LANCL3: variants seen among roughly 807,000 people sequenced by gnomAD.
LANCL3 encodes LanC like family member 3, also known as lanC-like protein 3.
A neutral mutation model predicts 26.5 loss-of-function variants in LANCL3; 19 were observed. That is an observed-to-expected ratio of 0.72 (90% CI 0.50 to 1.05). The LOEUF (loss-of-function observed/expected upper bound fraction) is 1.05. Among genes scored for constraint, LANCL3 ranks in the 50% least tolerant of loss-of-function variants. The pLI, the probability that LANCL3 is intolerant of heterozygous loss-of-function variation, is 0.00. For missense variants in LANCL3, 318 were observed against 362.7 expected (o/e 0.88, Z 1.00); for synonymous variants, 160 against 166.6 (o/e 0.96, Z 0.30).
At chrX:37,657,207 G>C (rs1384274241) in intron 2 of LANCL3, among the ~76,000 whole-genome samples, 1 of 112,776 alleles carries the variant, frequency 8.9e-6, no homozygotes, top group Non-Finnish European at 1.9e-5. Context: ...TTTGGGCAGG[G>C]CATACTCCTG....
At chrX:37,589,093 C>T (rs1556418557) in intron 1 of LANCL3, among the ~76,000 whole-genome samples, 2 of 112,049 alleles carry the variant, frequency 1.8e-5, no homozygotes, top group African/African-American at 6.5e-5. Context: ...AGTGTCTAAC[C>T]AGAAACAATA....
intron 1 of LANCL3, among the ~76,000 whole-genome samples, chrX:37,616,308 T>C (rs1925005942): frequency 8.9e-6 from 1 of 112,347 alleles, no homozygotes; most frequent in South Asian, 3.7e-4. Flanking sequence ...GAGGCACTTC[T>C]TGGCTCAGAG....
chrX:37,634,536 C>T (rs190618101), intron 1 of LANCL3, among the ~76,000 whole-genome samples: 109 of 112,735 alleles, frequency 9.7e-4, no homozygotes, highest in Non-Finnish European at 1.3e-3. Context: ...TTCTGCGTCG[C>T]TCGCGCTGGG....
intron 1 of LANCL3, among the ~76,000 whole-genome samples, chrX:37,647,065 A>G (rs1184080942): frequency 1.8e-5 from 2 of 112,184 alleles, no homozygotes; most frequent in African/African-American, 6.5e-5. Context: ...CTGTAATCCC[A>G]GCACTTTGGG....
intron 1 of LANCL3, among the ~76,000 whole-genome samples, chrX:37,595,580 C>G (rs185056645): frequency 2.0e-4 from 22 of 112,197 alleles, no homozygotes; most frequent in Admixed American, 1.9e-4. Flanking sequence ...TGTGACAGAT[C>G]CAAATGATCC....
At chrX:37,648,694 A>G (rs2146773404) in intron 1 of LANCL3, among the ~76,000 whole-genome samples, 1 of 112,002 alleles carries the variant, frequency 8.9e-6, no homozygotes, top group East Asian at 2.8e-4. Context: ...ATGGGAGAAA[A>G]TTTTTGCAAT....
At chrX:37,658,401 A>G (rs782354247) in intron 2 of LANCL3, among the ~76,000 whole-genome samples, 16 of 112,452 alleles carry the variant, frequency 1.4e-4, no homozygotes, top group Non-Finnish European at 2.3e-4. Context: ...GAGAAGGCCA[A>G]TGTCCCAGTT....
chrX:37,589,156 T>C (rs1167238525), intron 1 of LANCL3, among the ~76,000 whole-genome samples: 2 of 112,031 alleles, frequency 1.8e-5, no homozygotes, highest in African/African-American at 6.5e-5. Context: ...AAAATGTTTT[T>C]TTTTTCTTCT....
At chrX:37,584,935 G>A (rs1924017052) in intron 1 of LANCL3, among the ~76,000 whole-genome samples, 1 of 111,630 alleles carries the variant, frequency 9.0e-6, no homozygotes, top group Non-Finnish European at 1.9e-5. Context: ...TGGGCATTTA[G>A]TCCTATAAAT....
chrX:37,605,072 C>T (rs1466278155), intron 1 of LANCL3, among the ~76,000 whole-genome samples: 2 of 111,714 alleles, frequency 1.8e-5, no homozygotes, highest in Non-Finnish European at 3.8e-5. Context: ...TCACACCCCT[C>T]TATCCCCTTT....
chrX:37,635,792 A>G (rs1925689853), intron 1 of LANCL3, among the ~76,000 whole-genome samples: 1 of 111,033 alleles, frequency 9.0e-6, no homozygotes, highest in Non-Finnish European at 1.9e-5. Context: ...ATGAATATGT[A>G]TAGTTATTAC....
chrX:37,647,139 C>A (rs940153884), intron 1 of LANCL3, among the ~76,000 whole-genome samples: 19 of 110,567 alleles, frequency 1.7e-4, no homozygotes, highest in Non-Finnish European at 7.6e-5. Flanking sequence ...AGGGTGCAAC[C>A]CCGTCTCTAC....
intron 1 of LANCL3, among the ~76,000 whole-genome samples, chrX:37,630,348 G>C (rs1314454522): frequency 9.0e-6 from 1 of 111,418 alleles, no homozygotes; most frequent in Non-Finnish European, 1.9e-5. Context: ...AGGAGATTTT[G>C]GGCTGAGACG....
intron 1 of LANCL3, among the ~76,000 whole-genome samples, chrX:37,588,899 G>A: frequency 8.9e-6 from 1 of 111,866 alleles, no homozygotes; most frequent in African/African-American, 3.2e-5. Flanking sequence ...TGGCTCCATT[G>A]CTTTGCATGG....
At chrX:37,595,189 T>C (rs1556419380) in intron 1 of LANCL3, among the ~76,000 whole-genome samples, 1 of 111,782 alleles carries the variant, frequency 8.9e-6, no homozygotes, top group Non-Finnish European at 1.9e-5. Context: ...CACTGCCTTT[T>C]TACTACTACA....
At position 37,619,173 on chromosome X, in the gene LANCL3, G is replaced by A. The variant is rs375687069; in HGVS notation, c.574-36515G>A. Among the ~76,000 whole-genome samples the A allele has an allele frequency of 2.7e-3, 297 of 111,379 alleles. 1 individual carries two copies. The highest frequency in any genetic ancestry group is 9.4e-3 in the African/African-American group (287 of 30,665). The stretch of plus-strand genomic sequence containing the variant: ...TGAATTATAATTCAATCTTGTGCAT[G>A]GGATCCTAAGTTTGAATAAAAAAGT... On this transcript the variant is annotated intron_variant, in intron 1 of 4. Coordinates refer to ENST00000378619, the MANE Select transcript of LANCL3 (RefSeq NM_001170331.2).
At chrX:37,598,536 A>G (rs1340158886) in intron 1 of LANCL3, among the ~76,000 whole-genome samples, 1 of 112,306 alleles carries the variant, frequency 8.9e-6, no homozygotes, top group Non-Finnish European at 1.9e-5. Context: ...ATCACTGTCA[A>G]TCAAAATGAC....
chrX:37,583,230 T>C (rs1556417322), intron 1 of LANCL3, among the ~76,000 whole-genome samples: 1 of 112,066 alleles, frequency 8.9e-6, no homozygotes, highest in Non-Finnish European at 1.9e-5. Flanking sequence ...CCTTGTAGTA[T>C]AGTTTGAAGT....
At chrX:37,628,256 A>C (rs1225662848) in intron 1 of LANCL3, among the ~76,000 whole-genome samples, 1 of 111,195 alleles carries the variant, frequency 9.0e-6, no homozygotes, top group Admixed American at 9.6e-5. Flanking sequence ...TTCCTGCCCC[A>C]AATGCGTAAG....
Sources: allele counts gnomAD v4.1 joint callset (sites outside exome capture counted in the v4.1 genomes callset), GRCh38; gene constraint gnomAD v4.1.1; transcripts MANE v1.5; gene names NCBI Gene and HGNC (gene_info 2026-07-23, HGNC 2026-07-21).